CDK5RAP2: variants seen among roughly 807,000 people sequenced by gnomAD.
CDK5RAP2 encodes CDK5 regulatory subunit-associated protein 2.
In CDK5RAP2, 147 loss-of-function variants were observed where a neutral mutation model predicts 232.9. That is an observed-to-expected ratio of 0.63 (90% confidence interval 0.55 to 0.72). CDK5RAP2 has a LOEUF of 0.72. CDK5RAP2 is among the 30% of genes least tolerant of loss of function. The probability of loss-of-function intolerance (pLI) is 0.00; values close to 1 mark genes in which losing one functional copy is unlikely to be tolerated. For missense variants in CDK5RAP2, 2,195 were observed against 2,231.5 expected, an observed-to-expected ratio of 0.98 and a Z score of 0.33; for synonymous variants, 833 against 833.7, an observed-to-expected ratio of 1.00 and a Z score of 0.01.
Position 120,485,050 on chromosome 9 carries a change from T to C in CDK5RAP2, c.1626+2244A>G, listed in dbSNP as rs143569138. Among the ~76,000 whole-genome samples, 619 of 152,190 alleles carry C rather than the reference T, an allele frequency of 4.1e-3. 3 individuals carry two copies. Among genetic ancestry groups the C allele is most frequent in the African/African-American group, 0.014 (578 of 41,534 alleles). On this transcript the variant is annotated intron_variant, in intron 14 of 37. Transcript: ENST00000349780. ...GTAAATCTCTATCTACAATTTGCAA[T>C]TCATCTTGTAGAACACTATTAAAGC...
intron 3 of CDK5RAP2, among the ~76,000 whole-genome samples, chr9:120,551,955 C>T (rs2042056898): frequency 6.6e-6 from 1 of 151,892 alleles, no homozygotes; most frequent in Admixed American, 6.6e-5. Flanking sequence ...TGACAAAGGG[C>T]TAATATCCAG....
rs188326608 is a variant in CDK5RAP2, at chr9:120,540,909, G to A, written c.384-1745C>T. 3.3e-5 allele frequency among the ~76,000 whole-genome samples: 5 copies of A among 152,312 alleles called. No homozygotes were observed. The East Asian group carries it at 5.8e-4, about 18-fold the overall frequency. On this transcript the variant is annotated intron_variant, in intron 5 of 37. Coordinates refer to ENST00000349780, the MANE Select transcript of CDK5RAP2 (RefSeq NM_018249.6). ...CATGCTACCCTCTGCTGGGGTCTCCGCTGGCCAAAGCCAAGGCGCCTATTT... is the reference window on the plus strand; with the variant it reads ...CATGCTACCCTCTGCTGGGGTCTCCACTGGCCAAAGCCAAGGCGCCTATTT...
chr9:120,534,418 T>A (rs189358080), intron 7 of CDK5RAP2, among the ~76,000 whole-genome samples: 1 of 152,144 alleles, frequency 6.6e-6, no homozygotes, highest in Non-Finnish European at 1.5e-5. Flanking sequence ...TAACCCAGCA[T>A]TGATCCTACT....
At chr9:120,550,724 T>C (rs2042012171) in intron 4 of CDK5RAP2, 68 bp downstream of exon 4, 3 of 915,568 alleles carry the variant, frequency 3.3e-6, no homozygotes, top group African/African-American at 3.2e-5. Context: ...CAAATATTAA[T>C]CAAATTTCTG....
chr9:120,578,070 C>T (rs2043102277), intron 1 of CDK5RAP2, among the ~76,000 whole-genome samples: 1 of 152,102 alleles, frequency 6.6e-6, no homozygotes. Context: ...GAGATGGAGA[C>T]CATCCTGGCC....
chr9:120,488,621 C>T (rs2038734778), intron 13 of CDK5RAP2, among the ~76,000 whole-genome samples: 1 of 152,184 alleles, frequency 6.6e-6, no homozygotes, highest in Non-Finnish European at 1.5e-5. Flanking sequence ...TAGATTCTAC[C>T]TACTGGCTCC....
At chr9:120,546,736 G>C (rs1425311656) in intron 4 of CDK5RAP2, among the ~76,000 whole-genome samples, 5 of 151,740 alleles carry the variant, frequency 3.3e-5, no homozygotes, top group Admixed American at 1.3e-4. Context: ...TGGGCTCAAG[G>C]GATCCTCCCA....
chr9:120,451,348 T>C (rs942260532), intron 21 of CDK5RAP2, among the ~76,000 whole-genome samples: 4 of 152,198 alleles, frequency 2.6e-5, no homozygotes, highest in African/African-American at 9.7e-5. Flanking sequence ...AGCAGGTAAG[T>C]GGCCAGGCCG....
At chr9:120,548,877 C>T (rs779571145) in intron 4 of CDK5RAP2, among the ~76,000 whole-genome samples, 4 of 152,208 alleles carry the variant, frequency 2.6e-5, no homozygotes, top group East Asian at 1.9e-4. Context: ...TTAAGTAAGG[C>T]GAGGCGCAGT....
intron 34 of CDK5RAP2, 62 bp downstream of exon 34, chr9:120,402,743 CT>C: frequency 6.3e-7 from 1 of 1,596,308 alleles, no homozygotes; most frequent in Non-Finnish European, 8.6e-7. Context: ...TTTGACTCCC[CT>C]CCCCCTTCCA....
At chr9:120,401,894 G>A (rs948070514) in intron 34 of CDK5RAP2, among the ~76,000 whole-genome samples, 55 of 152,040 alleles carry the variant, frequency 3.6e-4, no homozygotes, top group African/African-American at 1.3e-3. Context: ...TGAGGGAGGA[G>A]AATCACTTGA....
intron 11 of CDK5RAP2, among the ~76,000 whole-genome samples, chr9:120,520,268 G>A (rs1480090086): frequency 2.0e-5 from 3 of 152,156 alleles, no homozygotes; most frequent in Non-Finnish European, 2.9e-5. Context: ...TCCTTCGTCA[G>A]GCACAGTGGC....
chr9:120,463,349 T>C (rs1382393987), intron 18 of CDK5RAP2, among the ~76,000 whole-genome samples: 1 of 152,038 alleles, frequency 6.6e-6, no homozygotes, highest in African/African-American at 2.4e-5. Flanking sequence ...CCAGCCTGGG[T>C]GACAGAGGGA....
At chr9:120,428,040 A>T (rs540695790) in intron 25 of CDK5RAP2, among the ~76,000 whole-genome samples, 1 of 152,156 alleles carries the variant, frequency 6.6e-6, no homozygotes, top group South Asian at 2.1e-4. Context: ...CAGAAATAAA[A>T]ATGTTCTTTG....
At chr9:120,537,211 T>G (rs1052481421) in intron 6 of CDK5RAP2, among the ~76,000 whole-genome samples, 2 of 152,144 alleles carry the variant, frequency 1.3e-5, no homozygotes, top group African/African-American at 4.8e-5. Flanking sequence ...TCCCACATAC[T>G]TGCTGTGTGA....
intron 3 of CDK5RAP2, among the ~76,000 whole-genome samples, chr9:120,556,642 T>C (rs1378693641): frequency 1.3e-5 from 2 of 152,102 alleles, no homozygotes; most frequent in African/African-American, 4.8e-5. Flanking sequence ...TTGGCCAGGC[T>C]GGTCTTGAAC....
intron 5 of CDK5RAP2, among the ~76,000 whole-genome samples, chr9:120,542,408 G>A (rs1023869910): frequency 6.6e-6 from 1 of 151,936 alleles, no homozygotes; most frequent in Admixed American, 6.6e-5. Context: ...GGGAGGCTGA[G>A]GCAGAAGAAT....
At chr9:120,419,046 A>G (rs927903771) in intron 27 of CDK5RAP2, among the ~76,000 whole-genome samples, 17 of 152,320 alleles carry the variant, frequency 1.1e-4, no homozygotes, top group African/African-American at 4.1e-4. Flanking sequence ...GGGAGATGAT[A>G]GGACCATGAG....
rs921392894 is a variant in CDK5RAP2 at position 120,402,749 on chromosome 9, C to T, written c.5307+57G>A. ...ACTGCGCCATTTGACTCCCCTCCCC[C>T]TTCCACCGACACTCCCAGGGAGCAG... On this transcript the variant is annotated intron_variant, in intron 34 of 37. Transcript: ENST00000349780. The T allele has an allele frequency of 1.2e-5, 20 of 1,604,526 alleles. No individual in the cohort carries two copies. In the South Asian group the frequency reaches 1.9e-4, roughly 15 times the overall value.
Sources: allele counts gnomAD v4.1 joint callset (sites outside exome capture counted in the v4.1 genomes callset), GRCh38; gene constraint gnomAD v4.1.1; transcripts MANE v1.5; gene names NCBI Gene and HGNC (gene_info 2026-07-23, HGNC 2026-07-21).